ZFHX3: variants seen among roughly 807,000 people sequenced by gnomAD.
The protein encoded by ZFHX3 is zinc finger homeobox protein 3.
Under a neutral mutation model 279.1 loss-of-function variants are expected in ZFHX3, and 42 were observed. The ratio of observed to expected loss-of-function variants is 0.15; its 90% CI spans 0.12 to 0.19. ZFHX3 has a LOEUF of 0.19. ZFHX3 is among the 10% of genes least tolerant of loss of function. ZFHX3 has a pLI of 1.00. For missense variants in ZFHX3, 4,981 were observed against 4,754.0 expected, an observed-to-expected ratio of 1.05 and a Z score of -1.40; for synonymous variants, 2,293 against 1,957.8, an observed-to-expected ratio of 1.17 and a Z score of -4.52.
intron 1 of ZFHX3, among the ~76,000 whole-genome samples, chr16:73,797,530 G>A (rs1351461114): frequency 6.6e-6 from 1 of 152,112 alleles, no homozygotes; most frequent in African/African-American, 2.4e-5. Context: ...GGAGGTCAGT[G>A]GAAATTATAA....
At chr16:73,888,906 C>A (rs544709785) in intron 1 of ZFHX3, among the ~76,000 whole-genome samples, 2 of 151,622 alleles carry the variant, frequency 1.3e-5, no homozygotes, top group South Asian at 2.1e-4. Flanking sequence ...ACCACCCCCC[C>A]AAAAAATCCT....
chr16:73,394,239 GT>G (rs67840840), intron 3 of ZFHX3, among the ~76,000 whole-genome samples: 32,157 of 136,152 alleles, frequency 0.24, 3,553 homozygotes, highest in East Asian at 0.34. Context: ...TTTGTTTTCT[GT>G]TTTTTTTTTT....
intron 5 of ZFHX3, among the ~76,000 whole-genome samples, chr16:73,155,680 G>T (rs187036661): frequency 1.3e-5 from 2 of 151,956 alleles, no homozygotes; most frequent in African/African-American, 4.8e-5. Context: ...AAAATTAGCT[G>T]GGCATGGCGG....
At chr16:73,379,842 A>G (rs1050170690) in intron 3 of ZFHX3, among the ~76,000 whole-genome samples, 5 of 152,192 alleles carry the variant, frequency 3.3e-5, no homozygotes, top group Admixed American at 2.6e-4. Flanking sequence ...TTAGGATGGA[A>G]ATTGCAGAGT....
intron 2 of ZFHX3, among the ~76,000 whole-genome samples, chr16:73,674,837 T>A (rs553586052): frequency 1.3e-5 from 2 of 152,190 alleles, no homozygotes; most frequent in Non-Finnish European, 2.9e-5. Flanking sequence ...ACAGCCCCAG[T>A]TGACTTCTCA....
chr16:73,001,924 C>G (rs1460638354), intron 1 of ZFHX3, among the ~76,000 whole-genome samples: 2 of 152,180 alleles, frequency 1.3e-5, no homozygotes, highest in Admixed American at 1.3e-4. Flanking sequence ...CTTCCTCTCA[C>G]CATGTGGCAT....
At chr16:73,841,223 T>A (rs1309027904) in intron 1 of ZFHX3, among the ~76,000 whole-genome samples, 1 of 152,122 alleles carries the variant, frequency 6.6e-6, no homozygotes. Flanking sequence ...GCAGAGGTCT[T>A]ATGAGCCCAA....
Position 72,797,502 on chromosome 16 carries a change from T to TGTTGTTGCTGCTGCC in ZFHX3, c.5165_5179dup (p.Arg1722_Gln1726dup). 1 of 1,613,660 alleles carries TGTTGTTGCTGCTGCC rather than the reference T, an allele frequency of 6.2e-7. No homozygotes were observed. Among genetic ancestry groups the TGTTGTTGCTGCTGCC allele is most frequent in the Non-Finnish European group, 8.5e-7 (1 of 1,179,786 alleles). On this transcript the variant is annotated inframe_insertion, in exon 9 of 10. Coordinates refer to ENST00000268489, the MANE Select transcript of ZFHX3 (RefSeq NM_006885.4). Reference sequence around the variant, plus strand: ...TTGTTGTTGTTGCTGTTGCTGCTGCTGTTGTTGCTGCTGCCTGGATGCAAT... The same window carrying TGTTGTTGCTGCTGCC: ...TTGTTGTTGTTGCTGTTGCTGCTGCTGTTGTTGCTGCTGCCGTTGTTGCTGCTGCCTGGATGCAAT...
chr16:73,070,820 C>A (rs1409347419), intron 8 of ZFHX3, among the ~76,000 whole-genome samples: 1 of 151,828 alleles, frequency 6.6e-6, no homozygotes, highest in Non-Finnish European at 1.5e-5. Flanking sequence ...CCCTCCCCCA[C>A]CACTCACGCC....
chr16:73,844,052 C>T (rs934493298), intron 1 of ZFHX3, among the ~76,000 whole-genome samples: 2 of 152,136 alleles, frequency 1.3e-5, no homozygotes, highest in Non-Finnish European at 2.9e-5. Context: ...CTGTGTAACC[C>T]AGAAACCCTT....
intron 1 of ZFHX3, among the ~76,000 whole-genome samples, chr16:72,987,538 C>T (rs1962900594): frequency 6.6e-6 from 1 of 152,162 alleles, no homozygotes; most frequent in South Asian, 2.1e-4. Flanking sequence ...GTCATTGCCC[C>T]CACACTGTGC....
At chr16:73,195,590 T>C (rs918499814) in intron 5 of ZFHX3, among the ~76,000 whole-genome samples, 4 of 152,174 alleles carry the variant, frequency 2.6e-5, no homozygotes, top group African/African-American at 9.6e-5. Flanking sequence ...AGCTAGTTTT[T>C]GTATTTTTAG....
chr16:73,628,646 T>C (rs1050504537), intron 2 of ZFHX3, among the ~76,000 whole-genome samples: 2 of 152,204 alleles, frequency 1.3e-5, no homozygotes, highest in Admixed American at 1.3e-4. Flanking sequence ...AGAGCACTTG[T>C]GTCTCTTTTA....
At chr16:73,517,301 T>C (rs2019539933) in intron 2 of ZFHX3, among the ~76,000 whole-genome samples, 1 of 152,174 alleles carries the variant, frequency 6.6e-6, no homozygotes, top group African/African-American at 2.4e-5. Context: ...CTCATTTCCT[T>C]TGCACTAGAA....
At chr16:73,881,486 C>CA (rs1555506571) in intron 1 of ZFHX3, among the ~76,000 whole-genome samples, 1 of 80,810 alleles carries the variant, frequency 1.2e-5, no homozygotes, top group Non-Finnish European at 3.4e-5. Context: ...CTCTGCCCCC[C>CA]CCCCCCACTC....
At chr16:73,851,612 GT>G (rs1356264102) in intron 1 of ZFHX3, among the ~76,000 whole-genome samples, 1 of 152,194 alleles carries the variant, frequency 6.6e-6, no homozygotes, top group Admixed American at 6.5e-5. Flanking sequence ...TCTTCAAAGT[GT>G]AGCACATATA....
chr16:72,985,768 G>A (rs529903799), intron 1 of ZFHX3, among the ~76,000 whole-genome samples: 5 of 152,212 alleles, frequency 3.3e-5, no homozygotes, highest in African/African-American at 1.2e-4. Context: ...ACTTGCTTGG[G>A]CTGTGACCAG....
intron 2 of ZFHX3, chr16:73,609,088 C>T (rs2052219645): frequency 6.6e-6 from 1 of 152,168 alleles, no homozygotes; most frequent in South Asian, 2.1e-4. Flanking sequence ...CTCTGCTTTT[C>T]CCAGTCTCTA....
chr16:72,934,115 G>C (rs575508000), intron 3 of ZFHX3, among the ~76,000 whole-genome samples: 1 of 152,282 alleles, frequency 6.6e-6, no homozygotes, highest in African/African-American at 2.4e-5. Context: ...ACCACGCCCG[G>C]CCACAGCTTT....
Sources: gnomAD v4.1 joint callset for allele counts (sites outside exome capture counted in the v4.1 genomes callset) on GRCh38, gnomAD v4.1.1 for gene constraint, MANE v1.5 for transcripts, NCBI Gene and HGNC (gene_info 2026-07-23, HGNC 2026-07-21) for gene names.